The following YWHAZ variants were observed in gnomAD, a reference collection of about 807,000 sequenced individuals.
YWHAZ encodes tyrosine 3-monooxygenase/tryptophan 5-monooxygenase activation protein zeta.
For missense variants in YWHAZ, 79 were observed against 284.8 expected (o/e 0.28, Z 5.20); for synonymous variants, 87 against 103.6 (o/e 0.84, Z 0.97).
intron 2 of YWHAZ, 91 bp from the exon 3 acceptor site, chr8:100,925,130 GT>G (rs1169628679): frequency 8.7e-6 from 12 of 1,373,410 alleles, no homozygotes; most frequent in Non-Finnish European, 1.2e-5. Context: ...TATAGCCTAA[GT>G]TATAAAACTT....
Position 100,938,782 on chromosome 8 carries a change from T to G in YWHAZ, c.294+9814A>C, listed in dbSNP as rs538244993. Among the ~76,000 whole-genome samples, 33 of 152,348 alleles carry G rather than the reference T, an allele frequency of 2.2e-4. No individual in the cohort carries two copies. The East Asian group carries it at 5.2e-3, about 24-fold the overall frequency. On this transcript the variant is annotated intron_variant, in intron 2 of 5. Transcript: ENST00000395958. ...TGTGGCCGGAGTGGCTTCCATTCTT[T>G]GATTTGCAATTTCCTCACTTGCTTT...
In YWHAZ at chr8:100,924,099, A is replaced by G; in HGVS notation, c.582+36T>C. ...ACATTTCAGTGCTCAAATAATAAAG[A>G]CTGCTAAATTTCTACGTAACAGGTA... On this transcript the variant is annotated intron_variant, in intron 4 of 5. Coordinates refer to ENST00000395958, the MANE Select transcript of YWHAZ (RefSeq NM_145690.3). This position sits in a 1 kb window ranked among gnomAD's most constrained non-coding sequence, Gnocchi z 5.7. The G allele has an allele frequency of 6.2e-7, 1 of 1,607,868 alleles. No homozygotes were observed. The highest frequency in any genetic ancestry group is 8.5e-7 in the Non-Finnish European group (1 of 1,177,882).
chr8:100,921,230 C>T (rs1813004411), intron 5 of YWHAZ, among the ~76,000 whole-genome samples: 1 of 152,130 alleles, frequency 6.6e-6, no homozygotes, highest in African/African-American at 2.4e-5. Flanking sequence ...GACGGGGTTT[C>T]ACTATGTTGG....
intron 1 of YWHAZ, among the ~76,000 whole-genome samples, chr8:100,950,115 A>G (rs1467163789): frequency 6.6e-6 from 1 of 152,208 alleles, no homozygotes. Flanking sequence ...TAAACAAATA[A>G]TTAACCACTT....
chr8:100,948,532 G>A lies in YWHAZ; in HGVS notation c.294+64C>T. 4 of 1,504,820 alleles carry A rather than the reference G, an allele frequency of 2.7e-6. No individual in the cohort carries two copies. Among genetic ancestry groups the A allele is most frequent in the South Asian group, 1.3e-5 (1 of 77,616 alleles). 93.2% of individuals were successfully genotyped at this position (1,504,820 alleles called of 1,614,324 possible). On this transcript the variant is annotated intron_variant, in intron 2 of 5. Transcript: ENST00000395958. This position sits in a 1 kb window ranked among gnomAD's most constrained non-coding sequence, Gnocchi z 4.2. ...AGAAAAACCAAACAAAAAGTTAAGA[G>A]TAATGTAACTGATACTCATAGGGAC...
chr8:100,917,369 A>C lies in YWHAZ; in HGVS notation c.*3324T>G, dbSNP rs1485712946. 1.3e-5 allele frequency: 2 copies of C among 152,236 alleles called. No individual in the cohort carries two copies. The highest frequency in any genetic ancestry group is 2.9e-5 in the Non-Finnish European group (2 of 68,074). The allele number at this position is 152,236 out of a possible 1,614,324, so 9.4% of individuals were successfully genotyped here. On this transcript the variant is annotated 3_prime_UTR_variant, in exon 6 of 6. Coordinates refer to ENST00000395958, the MANE Select transcript of YWHAZ (RefSeq NM_145690.3). ...AGCTGCAGGAAAGCCCATCGTTTTT[A>C]CTAATCACACTGCTGCTCCACTTTC...
upstream of YWHAZ, chr8:100,952,183 C>G (rs1485357533): frequency 1.0e-6 from 1 of 983,706 alleles, no homozygotes; most frequent in Non-Finnish European, 1.2e-6. Flanking sequence ...GTAACCGCCG[C>G]TCCCCGGCGC....
chr8:100,949,383 A>G (rs1198276411), intron 1 of YWHAZ, among the ~76,000 whole-genome samples: 1 of 151,686 alleles, frequency 6.6e-6, no homozygotes, highest in East Asian at 1.9e-4. Context: ...TTTTACTTTC[A>G]TAATACTCTT....
At position 100,917,249 on chromosome 8, in the gene YWHAZ, A is replaced by T. The variant is rs183088875; in HGVS notation, c.*3444T>A. ...AATAAACAAATTGAGCCCCAAAATT[A>T]AGCCACTAGACATATTCTTTCTCTT... On this transcript the variant is annotated 3_prime_UTR_variant, in exon 6 of 6. Transcript: ENST00000395958. 1 of 152,346 alleles carries T rather than the reference A, an allele frequency of 6.6e-6. No individual in the cohort carries two copies. The highest frequency in any genetic ancestry group is 1.9e-4 in the East Asian group (1 of 5,196). 9.4% of individuals were successfully genotyped at this position (152,346 alleles called of 1,614,324 possible).
chr8:100,923,712 A>T (rs761592219), intron 5 of YWHAZ: 5 of 340,156 alleles, frequency 1.5e-5, no homozygotes, highest in Non-Finnish European at 2.7e-5. Context: ...TTTGATACTA[A>T]CAAATTTTAA....
chr8:100,943,094 T>C (rs191751731), intron 2 of YWHAZ, among the ~76,000 whole-genome samples: 3 of 152,332 alleles, frequency 2.0e-5, no homozygotes, highest in East Asian at 1.9e-4. Flanking sequence ...GAGTCCAACA[T>C]GTCGTGTGAT....
chr8:100,947,053 A>C (rs1307452743), intron 2 of YWHAZ, among the ~76,000 whole-genome samples: 2 of 151,916 alleles, frequency 1.3e-5, no homozygotes, highest in Non-Finnish European at 2.9e-5. Flanking sequence ...GGAGATCGAG[A>C]CCATCCTGGC....
chr8:100,927,513 G>A (rs1054354282), intron 2 of YWHAZ, among the ~76,000 whole-genome samples: 1 of 152,154 alleles, frequency 6.6e-6, no homozygotes, highest in African/African-American at 2.4e-5. Flanking sequence ...CAGGGTGACA[G>A]TGAGGCTGTC....
chr8:100,937,217 C>A (rs1198764791), intron 2 of YWHAZ, among the ~76,000 whole-genome samples: 2 of 151,928 alleles, frequency 1.3e-5, no homozygotes. Context: ...AAAGTTAATA[C>A]ATTTTAAAGA....
chr8:100,923,146 G>C (rs1813146035), intron 5 of YWHAZ: 1 of 152,178 alleles, frequency 6.6e-6, no homozygotes, highest in African/African-American at 2.4e-5. Flanking sequence ...TAGTCCCCAA[G>C]AGAAATGGCC....
At chr8:100,945,234 A>G (rs1221789323) in intron 2 of YWHAZ, among the ~76,000 whole-genome samples, 1 of 152,226 alleles carries the variant, frequency 6.6e-6, no homozygotes, top group Non-Finnish European at 1.5e-5. Flanking sequence ...TCCCGCCATA[A>G]TGCTCTATTT....
At chr8:100,951,487 G>A (rs2130389622) in intron 1 of YWHAZ, 4 of 985,476 alleles carry the variant, frequency 4.1e-6, no homozygotes, top group Non-Finnish European at 4.8e-6. Flanking sequence ...CGCCGCCGCC[G>A]CCGAGTCATT....
intron 2 of YWHAZ, among the ~76,000 whole-genome samples, chr8:100,928,728 C>T (rs916850807): frequency 1.3e-5 from 2 of 150,802 alleles, no homozygotes; most frequent in Non-Finnish European, 2.9e-5. Flanking sequence ...AGTGAAACTC[C>T]GTCTTAAAAA....
chr8:100,952,198 C>T (rs1013258744), upstream of YWHAZ: 2 of 979,638 alleles, frequency 2.0e-6, no homozygotes, highest in Admixed American at 1.2e-4. Context: ...CGGCGCTCGT[C>T]CTGCCCGCCC....
Sources: gnomAD v4.1 joint callset for allele counts (sites outside exome capture counted in the v4.1 genomes callset) on GRCh38, gnomAD v4.1.1 for gene constraint, Gnocchi (gnomAD v3.1) non-coding constraint, MANE v1.5 for transcripts, NCBI Gene and HGNC (gene_info 2026-07-23, HGNC 2026-07-21) for gene names.